Variants in SMPDL3A observed in about 807,000 individuals in gnomAD.
SMPDL3A encodes the protein sphingomyelin phosphodiesterase acid like 3A.
In SMPDL3A, 39 loss-of-function variants were observed where a neutral mutation model predicts 38.5. The observed-to-expected ratio is 1.01, with a 90% CI of 0.78 to 1.32. SMPDL3A has a LOEUF of 1.32. SMPDL3A is among the 40% of genes most tolerant of loss of function. The pLI is 0.00. For missense variants in SMPDL3A, 502 were observed against 536.2 expected (o/e 0.94, Z 0.63); for synonymous variants, 180 against 194.3 (o/e 0.93, Z 0.61).
At chr6:122,790,739 T>G (rs1349973386) in intron 1 of SMPDL3A, among the ~76,000 whole-genome samples, 1 of 152,246 alleles carries the variant, frequency 6.6e-6, no homozygotes, top group Non-Finnish European at 1.5e-5. Flanking sequence ...TAGCTTGTGT[T>G]CCTTTAATTA....
intron 7 of SMPDL3A, among the ~76,000 whole-genome samples, chr6:122,808,637 TCCTTCC>T (rs1781736870): frequency 2.1e-5 from 1 of 48,320 alleles, no homozygotes; most frequent in African/African-American, 8.2e-5. Flanking sequence ...CTTCCTTCCT[TCCTTCC>T]CCCCCTCCTC....
chr6:122,794,603 A>AAC (rs1781183404), intron 1 of SMPDL3A, among the ~76,000 whole-genome samples: 1 of 151,946 alleles, frequency 6.6e-6, no homozygotes, highest in South Asian at 2.1e-4. Context: ...TCTCAAAAAA[A>AAC]ACACACACAA....
In SMPDL3A at chr6:122,809,494, C is replaced by A; in HGVS notation, c.*86C>A. On this transcript the variant is annotated 3_prime_UTR_variant, in exon 8 of 8. Coordinates refer to ENST00000368440, the MANE Select transcript of SMPDL3A (RefSeq NM_006714.5). The stretch of plus-strand genomic sequence containing the variant: ...ATTTTACATAAATCTTTGTTAATTA[C>A]TGAGTGGGCAAGTAGACTTCCTGTC... 1 of 987,280 alleles carries A rather than the reference C, an allele frequency of 1.0e-6. No individual in the cohort carries two copies. The allele number at this position is 987,280 out of a possible 1,614,324, so 61.2% of individuals were successfully genotyped here. A position where few individuals can be genotyped will look rare whatever the true frequency, so the allele number is the denominator to read the frequency against.
At chr6:122,803,576 C>T in intron 4 of SMPDL3A, 88 bp from the exon 5 acceptor site, 1 of 934,824 alleles carries the variant, frequency 1.1e-6, no homozygotes, top group South Asian at 1.6e-5. Flanking sequence ...AACCTCCTGA[C>T]TGGATTGTAA....
rs772282687 is a variant in SMPDL3A at position 122,809,071 on chromosome 6, G to C, written c.1045-20G>C. ...TGTGCCAAAAAGTGAACCAGGTTTT[G>C]TTACTGTTCTTAACTGCAGGATATG... On this transcript the variant is annotated intron_variant, in intron 7 of 7. Transcript: ENST00000368440. The C allele has an allele frequency of 6.3e-7, 1 of 1,596,184 alleles. No individual in the cohort carries two copies. Among genetic ancestry groups the C allele is most frequent in the Non-Finnish European group, 8.6e-7 (1 of 1,165,876 alleles).
intron 2 of SMPDL3A, among the ~76,000 whole-genome samples, chr6:122,796,502 A>T (rs1781252443): frequency 6.6e-6 from 1 of 152,210 alleles, no homozygotes. Flanking sequence ...CAAAGCTGGG[A>T]TTTGAAATAG....
At chr6:122,808,758 C>T (rs562076653) in intron 7 of SMPDL3A, among the ~76,000 whole-genome samples, 32 of 151,674 alleles carry the variant, frequency 2.1e-4, no homozygotes, top group African/African-American at 5.6e-4. Context: ...CCCGGCTCAC[C>T]GCAACCTCCG....
chr6:122,809,539 T>C lies in SMPDL3A; in HGVS notation c.*131T>C. 1 of 637,540 alleles carries C rather than the reference T, an allele frequency of 1.6e-6. No individual in the cohort carries two copies. The highest frequency in any genetic ancestry group is 2.1e-5 in the South Asian group (1 of 47,846). The allele number at this position is 637,540 out of a possible 1,614,324, so 39.5% of individuals were successfully genotyped here. On this transcript the variant is annotated 3_prime_UTR_variant, in exon 8 of 8. Transcript: ENST00000368440. ...CCTGTCTTTGCTTTCTTTTTTTTTTTCTTTTTGATGCCTTAATGTAGATAT... is the reference window on the plus strand; with the variant it reads ...CCTGTCTTTGCTTTCTTTTTTTTTTCCTTTTTGATGCCTTAATGTAGATAT...
rs1780987765 is a variant in SMPDL3A, at chr6:122,789,473, AC to A, written c.112+18del. ...TCCGGCGATAGGTGAGTTGTCCGCGACCCTTCTCTTCCCAGCCGGCAAAGAG... is the reference window on the plus strand; with the variant it reads ...TCCGGCGATAGGTGAGTTGTCCGCGACCTTCTCTTCCCAGCCGGCAAAGAG... On this transcript the variant is annotated intron_variant, in intron 1 of 7. Transcript: ENST00000368440. 1.9e-6 allele frequency: 3 copies of A among 1,539,378 alleles called. No individual in the cohort carries two copies. The highest frequency in any genetic ancestry group is 3.9e-5 in the Admixed American group (2 of 50,942).
At chr6:122,795,018 A>G (rs1020953820) in intron 1 of SMPDL3A, among the ~76,000 whole-genome samples, 6 of 152,250 alleles carry the variant, frequency 3.9e-5, no homozygotes, top group Non-Finnish European at 7.3e-5. Context: ...GAGACATGCT[A>G]TTAAGACACA....
intron 1 of SMPDL3A, chr6:122,789,765 C>T: frequency 1.1e-6 from 1 of 886,436 alleles, no homozygotes; most frequent in South Asian, 5.2e-5. Context: ...TCCTGCATCT[C>T]AGTTGTTTTG....
chr6:122,793,836 G>A (rs1241089756), intron 1 of SMPDL3A, among the ~76,000 whole-genome samples: 1 of 152,084 alleles, frequency 6.6e-6, no homozygotes, highest in East Asian at 1.9e-4. Context: ...GTTTTATTCA[G>A]TTGTAACATA....
intron 6 of SMPDL3A, among the ~76,000 whole-genome samples, chr6:122,805,680 C>T (rs536799768): frequency 2.1e-4 from 32 of 152,260 alleles, no homozygotes; most frequent in African/African-American, 7.2e-4. Context: ...CTGGAGCGCA[C>T]CCTGCGATCT....
In SMPDL3A at chr6:122,796,987, C is replaced by G; in HGVS notation, c.471+19C>G. 1.9e-6 allele frequency: 3 copies of G among 1,604,732 alleles called. No homozygotes were observed. In the East Asian group the frequency reaches 6.7e-5, roughly 36 times the overall value. ...GCCACAGGTAAATTTGATAGACTTT[C>G]AGAAATGCTTAAAGAATTTTTCCTA... On this transcript the variant is annotated intron_variant, in intron 3 of 7. Transcript: ENST00000368440.
rs752010445 is a variant in SMPDL3A at position 122,805,100 on chromosome 6, G to T, written c.919+11G>T. 1 of 1,588,062 alleles carries T rather than the reference G, an allele frequency of 6.3e-7. No individual in the cohort carries two copies. The highest frequency in any genetic ancestry group is 8.6e-7 in the Non-Finnish European group (1 of 1,168,762). ...TTTCAGATAAAAAAGGTAATGTAAT[G>T]CTGTGTTTGCATCTCCCCAGTCTAA... is the stretch of plus-strand genomic sequence containing the variant. On this transcript the variant is annotated intron_variant, in intron 6 of 7. Coordinates refer to ENST00000368440, the MANE Select transcript of SMPDL3A (RefSeq NM_006714.5).
At chr6:122,792,774 G>A (rs1212830258) in intron 1 of SMPDL3A, among the ~76,000 whole-genome samples, 2 of 151,842 alleles carry the variant, frequency 1.3e-5, no homozygotes, top group African/African-American at 2.4e-5. Flanking sequence ...TAGGCATGGG[G>A]TTTCACCATG....
intron 4 of SMPDL3A, among the ~76,000 whole-genome samples, chr6:122,803,015 G>C (rs1056739472): frequency 6.6e-6 from 1 of 152,138 alleles, no homozygotes; most frequent in Non-Finnish European, 1.5e-5. Flanking sequence ...AAAATTAAAG[G>C]GGCAGTGATC....
intron 3 of SMPDL3A, among the ~76,000 whole-genome samples, chr6:122,798,849 G>GGCA (rs1781335778): frequency 6.6e-6 from 1 of 151,966 alleles, no homozygotes; most frequent in South Asian, 2.1e-4. Context: ...GGGTAAATTG[G>GGCA]GCAGCCTACA....
At chr6:122,794,935 C>T (rs551054663) in intron 1 of SMPDL3A, among the ~76,000 whole-genome samples, 2 of 152,220 alleles carry the variant, frequency 1.3e-5, no homozygotes, top group East Asian at 1.9e-4. Context: ...CCCTAACAAA[C>T]GACATCATAT....
Sources: gnomAD v4.1 joint callset for allele counts (sites outside exome capture counted in the v4.1 genomes callset) on GRCh38, gnomAD v4.1.1 for gene constraint, MANE v1.5 for transcripts, NCBI Gene and HGNC (gene_info 2026-07-23, HGNC 2026-07-21) for gene names.